The following SCAND1 variants were observed in gnomAD, a reference collection of about 807,000 sequenced individuals.
SCAND1 encodes the protein SCAN domain-containing protein 1.
A neutral mutation model predicts 3.4 loss-of-function variants in SCAND1; 3 were observed. The ratio of observed to expected loss-of-function variants is 0.87; its 90% CI spans 0.40 to 2.25. The LOEUF is 2.25. Ranked by LOEUF, SCAND1 falls within the 30% of genes most tolerant of loss-of-function variation. SCAND1 has a pLI of 0.05. For missense variants in SCAND1, 303 were observed against 258.8 expected, an observed-to-expected ratio of 1.17 and a Z score of -1.17; for synonymous variants, 152 against 120.5, an observed-to-expected ratio of 1.26 and a Z score of -1.72.
In SCAND1 at chr20:35,954,125, T is replaced by G. The variant is rs775588679; in HGVS notation, c.160A>C (p.Asn54His). 1 of 1,554,608 alleles carries G rather than the reference T, an allele frequency of 6.4e-7. No homozygotes were observed. The highest frequency in any genetic ancestry group is 1.2e-5 in the South Asian group (1 of 85,748). Residue 54 changes from asparagine to histidine, a missense_variant, in exon 2 of 2, where the codon AAC (asparagine) becomes CAC (histidine). Physicochemically the swap from Asn to His is moderately conservative, Grantham distance 68 (BLOSUM62 1). Transcript: ENST00000305978. ...SPPAPEPSSP[N>H]AAVPEAIPTP... is the part of the protein sequence containing the mutation. ...GGGATGGCTTCAGGGACCGCGGCGTTGGGACTGGAAGGCTCAGGGGCAGGC... is the reference window on the plus strand; with the variant it reads ...GGGATGGCTTCAGGGACCGCGGCGTGGGGACTGGAAGGCTCAGGGGCAGGC...
chr20:35,955,595 A>G (rs1010867474), upstream of SCAND1, among the ~76,000 whole-genome samples: 12 of 152,078 alleles, frequency 7.9e-5, no homozygotes, highest in African/African-American at 2.4e-4. Flanking sequence ...TATTAGGTAA[A>G]CTGCTTGCTA....
upstream of SCAND1, among the ~76,000 whole-genome samples, chr20:35,958,072 A>G (rs2056273937): frequency 6.6e-6 from 1 of 152,232 alleles, no homozygotes; most frequent in Non-Finnish European, 1.5e-5. Flanking sequence ...AGGGTTGTGG[A>G]AAAGAAGCTT....
chr20:35,953,799 C>T lies in SCAND1; in HGVS notation c.486G>A (p.Glu162=). 1 of 1,533,092 alleles carries T rather than the reference C, an allele frequency of 6.5e-7. No homozygotes were observed. The highest frequency in any genetic ancestry group is 8.8e-7 in the Non-Finnish European group (1 of 1,142,176). 95.0% of individuals were successfully genotyped at this position (1,533,092 alleles called of 1,614,324 possible). A position where few individuals can be genotyped will look rare whatever the true frequency, so the allele number is the denominator to read the frequency against. Residue 162 remains glutamate, a synonymous_variant, in exon 2 of 2, where the codon GAG becomes GAA. Transcript: ENST00000305978. ...GGCGGATCCGCCGGGCCCGAGCCGCCTCGGGCAGGATGGCGAGCAGCTGCT... is the reference window on the plus strand; with the variant it reads ...GGCGGATCCGCCGGGCCCGAGCCGCTTCGGGCAGGATGGCGAGCAGCTGCT... ...VQEQLLAILP[E]AARARRIRRR...
At chr20:35,957,256 A>G (rs1345781209), upstream of SCAND1, among the ~76,000 whole-genome samples, 2 of 152,194 alleles carry the variant, frequency 1.3e-5, no homozygotes, top group East Asian at 3.9e-4. Flanking sequence ...ATTCAGCAGT[A>G]AAAAAATAAT....
upstream of SCAND1, among the ~76,000 whole-genome samples, chr20:35,959,240 C>T (rs752237134): frequency 2.7e-4 from 41 of 151,960 alleles, no homozygotes; most frequent in Non-Finnish European, 4.9e-4. Context: ...TTTTTAAAAC[C>T]GATGGTTATG....
At position 35,953,821 on chromosome 20, in the gene SCAND1, T is replaced by G; in HGVS notation, c.464A>C (p.Gln155Pro). 1 of 1,559,016 alleles carries G rather than the reference T, an allele frequency of 6.4e-7. No individual in the cohort carries two copies. Among genetic ancestry groups the G allele is most frequent in the Non-Finnish European group, 8.7e-7 (1 of 1,153,906 alleles). ...CGCCTCGGGCAGGATGGCGAGCAGC[T>G]GCTCTTGCACCAGCATCTCCACGAT... ...EQIVEMLVQE[Q>P]LLAILPEAAR... The change falls in exon 2 of 2, where the codon CAG (glutamine) becomes CCG (proline). Residue 155 changes from glutamine to proline, a missense_variant. Physicochemically the swap from Gln to Pro is moderately conservative, Grantham distance 76. Transcript: ENST00000305978.
At chr20:35,956,899 A>G (rs2056262123), upstream of SCAND1, among the ~76,000 whole-genome samples, 1 of 152,248 alleles carries the variant, frequency 6.6e-6, no homozygotes, top group Non-Finnish European at 1.5e-5. Context: ...AAAACTGTGG[A>G]AACTGCAGGC....
upstream of SCAND1, among the ~76,000 whole-genome samples, chr20:35,958,393 C>T (rs906932705): frequency 1.3e-5 from 2 of 152,190 alleles, no homozygotes; most frequent in African/African-American, 4.8e-5. Flanking sequence ...GATCGTGCCA[C>T]TGCACTCCAG....
rs2056213383 is a variant in SCAND1, at chr20:35,954,098, T to G, written c.187A>C (p.Thr63Pro). ...GCCGCGGAGGCCGCAGCTCGGGGCG[T>G]AGGGATGGCTTCAGGGACCGCGGCG... ...PNAAVPEAIP[T>P]PRAAASAALE... The change falls in exon 2 of 2, where the codon ACG becomes CCG. Residue 63 changes from threonine to proline, a missense_variant. Thr to Pro is a conservative substitution (Grantham distance 38). Coordinates refer to ENST00000305978, the MANE Select transcript of SCAND1 (RefSeq NM_033630.3). The G allele has an allele frequency of 6.5e-7, 1 of 1,538,500 alleles. No individual in the cohort carries two copies. Among genetic ancestry groups the G allele is most frequent in the African/African-American group, 1.4e-5 (1 of 72,828 alleles).
chr20:35,958,811 C>T (rs952179569), upstream of SCAND1: 4 of 152,210 alleles, frequency 2.6e-5, no homozygotes, highest in African/African-American at 4.8e-5. Flanking sequence ...CAGGCAACCA[C>T]TAATCTATTC....
upstream of SCAND1, among the ~76,000 whole-genome samples, chr20:35,957,214 C>G (rs2056265157): frequency 6.6e-6 from 1 of 152,100 alleles, no homozygotes; most frequent in Non-Finnish European, 1.5e-5. Flanking sequence ...AAAATCCAGC[C>G]CTTTGTGGGC....
chr20:35,954,196 G>C lies in SCAND1; in HGVS notation c.89C>G (p.Ala30Gly), dbSNP rs2056216153. The change falls in exon 2 of 2, where the codon GCC (alanine) becomes GGC (glycine). Residue 30 changes from alanine (A) to glycine (G), a missense_variant. Coordinates refer to ENST00000305978, the MANE Select transcript of SCAND1 (RefSeq NM_033630.3). Reference protein sequence around the residue: ...EKLEGAGSSSAPERNCVGSSL... With the variant: ...EKLEGAGSSSGPERNCVGSSL... The stretch of plus-strand genomic sequence containing the variant: ...GGAGCCCACACAGTTACGCTCAGGG[G>C]CTGAGCTCGAACCGGCTCCTTCCAG... 4 of 1,611,908 alleles carry C rather than the reference G, an allele frequency of 2.5e-6. No homozygotes were observed. Among genetic ancestry groups the C allele is most frequent in the Non-Finnish European group, 2.5e-6 (3 of 1,179,866 alleles).
upstream of SCAND1, among the ~76,000 whole-genome samples, chr20:35,957,386 A>G (rs949714548): frequency 2.0e-5 from 3 of 152,186 alleles, no homozygotes; most frequent in East Asian, 3.9e-4. Context: ...CAGGAGTTCA[A>G]GACCAGCCTG....
At chr20:35,954,535 C>G, upstream of SCAND1, 1 of 1,514,556 alleles carries the variant, frequency 6.6e-7, no homozygotes, top group Non-Finnish European at 8.9e-7. Flanking sequence ...CCGGAAGCCG[C>G]TTGCGGGCTC....
At chr20:35,958,327 G>C (rs1011233465), upstream of SCAND1, among the ~76,000 whole-genome samples, 4 of 152,174 alleles carry the variant, frequency 2.6e-5, no homozygotes, top group Non-Finnish European at 5.9e-5. Context: ...AGCTACTTGG[G>C]AGGCTGAGGC....
At chr20:35,955,724 G>A (rs774175982), upstream of SCAND1, among the ~76,000 whole-genome samples, 2 of 152,084 alleles carry the variant, frequency 1.3e-5, no homozygotes, top group East Asian at 3.8e-4. Context: ...GACAGCCCTC[G>A]GCCAGGTGGT....
upstream of SCAND1, chr20:35,954,530 A>G: frequency 2.0e-6 from 3 of 1,519,446 alleles, no homozygotes; most frequent in Non-Finnish European, 2.7e-6. Context: ...AGCACCCGGA[A>G]GCCGCTTGCG....
rs758983068 is a variant in SCAND1 at position 35,954,062 on chromosome 20, G to A, written c.223C>T (p.Pro75Ser). 9.2e-5 allele frequency: 141 copies of A among 1,539,220 alleles called. No homozygotes were observed. Among genetic ancestry groups the A allele is most frequent in the Non-Finnish European group, 1.2e-4 (139 of 1,140,768 alleles). Residue 75 changes from proline to serine, a missense_variant, in exon 2 of 2, where the codon CCT (proline) becomes TCT (serine). By Grantham distance (74) the Pro-to-Ser change is moderately conservative (BLOSUM62 -1). Coordinates refer to ENST00000305978, the MANE Select transcript of SCAND1 (RefSeq NM_033630.3). ...RAAASAALEL[P>S]LGPAPVSVAP... ...ACGCTCACGGGTGCGGGCCCGAGAG[G>A]CAGCTCCAGGGCCGCGGAGGCCGCA...
Position 35,954,124 on chromosome 20 carries a change from T to C in SCAND1, c.161A>G (p.Asn54Ser). Residue 54 changes from asparagine to serine, a missense_variant, in exon 2 of 2, where the codon AAC becomes AGC. Asn to Ser is a conservative substitution (Grantham distance 46). Coordinates refer to ENST00000305978, the MANE Select transcript of SCAND1 (RefSeq NM_033630.3). ...AGGGATGGCTTCAGGGACCGCGGCG[T>C]TGGGACTGGAAGGCTCAGGGGCAGG... is the stretch of plus-strand genomic sequence containing the variant. Reference protein sequence around the residue: ...SPPAPEPSSPNAAVPEAIPTP... With the variant: ...SPPAPEPSSPSAAVPEAIPTP... 10 of 1,553,244 alleles carry C rather than the reference T, an allele frequency of 6.4e-6. No individual in the cohort carries two copies. The highest frequency in any genetic ancestry group is 8.7e-6 in the Non-Finnish European group (10 of 1,147,264).
Sources: allele counts gnomAD v4.1 joint callset (sites outside exome capture counted in the v4.1 genomes callset), GRCh38; gene constraint gnomAD v4.1.1; transcripts MANE v1.5; gene names NCBI Gene and HGNC (gene_info 2026-07-23, HGNC 2026-07-21).